The following GFOD1 variants were observed in gnomAD, a reference collection of about 807,000 sequenced individuals.
The protein encoded by GFOD1 is glucose-fructose oxidoreductase domain-containing protein 1.
In GFOD1, 9 loss-of-function variants were observed where a neutral mutation model predicts 25.4. That is an observed-to-expected ratio of 0.35 (90% confidence interval 0.21 to 0.62). GFOD1 has a LOEUF of 0.62. Ranked by LOEUF, GFOD1 falls within the 20% of genes least tolerant of loss-of-function variation. The probability of loss-of-function intolerance (pLI) is 0.72; values close to 1 mark genes in which losing one functional copy is unlikely to be tolerated. For missense variants in GFOD1, 403 were observed against 556.9 expected, an observed-to-expected ratio of 0.72 and a Z score of 2.78; for synonymous variants, 253 against 245.6, an observed-to-expected ratio of 1.03 and a Z score of -0.28.
At chr6:13,378,196 T>C (rs1254304728) in intron 1 of GFOD1, among the ~76,000 whole-genome samples, 1 of 152,162 alleles carries the variant, frequency 6.6e-6, no homozygotes, top group African/African-American at 2.4e-5. Flanking sequence ...CAGAGATATG[T>C]GCAGATCCAG....
intron 1 of GFOD1, among the ~76,000 whole-genome samples, chr6:13,383,510 C>T (rs1233211308): frequency 6.6e-6 from 1 of 152,224 alleles, no homozygotes; most frequent in Non-Finnish European, 1.5e-5. Context: ...TTAGAACAAA[C>T]ATACACTAGG....
chr6:13,397,235 A>G (rs1554201085), intron 1 of GFOD1, among the ~76,000 whole-genome samples: 3 of 152,222 alleles, frequency 2.0e-5, no homozygotes. Flanking sequence ...CATGGCGCCC[A>G]GCAAGACAGA....
chr6:13,410,209 G>T (rs963451678), intron 1 of GFOD1, among the ~76,000 whole-genome samples: 15 of 152,064 alleles, frequency 9.9e-5, no homozygotes, highest in African/African-American at 3.6e-4. Flanking sequence ...CCTGGCTCTG[G>T]CAATGCAGCT....
At chr6:13,409,197 G>GAAAGAAAGAAAGAA (rs1786019107) in intron 1 of GFOD1, among the ~76,000 whole-genome samples, 2 of 82,992 alleles carry the variant, frequency 2.4e-5, no homozygotes, top group Non-Finnish European at 3.4e-5. Context: ...AAGAAAGAAA[G>GAAAGAAAGAAAGAA]AAAGAGAAAG....
Position 13,411,282 on chromosome 6 carries a change from C to T in GFOD1, c.254-45620G>A, listed in dbSNP as rs115347910. The stretch of plus-strand genomic sequence containing the variant: ...ACCAAGTGAGGATCCACAAAGACAT[C>T]GGCTGTCTATTTTCTTTTCTTTTTT... On this transcript the variant is annotated intron_variant, in intron 1 of 1. Transcript: ENST00000379287. 7.1e-3 allele frequency among the ~76,000 whole-genome samples: 1,086 copies of T among 152,194 alleles called. 1 individual carries two copies. Among genetic ancestry groups the T allele is most frequent in the Non-Finnish European group, 0.01 (702 of 67,998 alleles).
chr6:13,469,911 A>T, intron 1 of GFOD1: 1 of 1,300,004 alleles, frequency 7.7e-7, no homozygotes, highest in Non-Finnish European at 1.0e-6. Flanking sequence ...AGTACTCCAT[A>T]GAATGCTAGT....
intron 1 of GFOD1, among the ~76,000 whole-genome samples, chr6:13,435,017 G>A (rs1228027404): frequency 1.3e-5 from 2 of 152,198 alleles, no homozygotes; most frequent in African/African-American, 2.4e-5. Flanking sequence ...CCCCTTTCTA[G>A]AGCTTTCTCT....
intron 1 of GFOD1, among the ~76,000 whole-genome samples, chr6:13,417,245 C>T (rs180923934): frequency 8.4e-4 from 128 of 152,304 alleles, no homozygotes; most frequent in African/African-American, 2.8e-3. Context: ...GCTCCGCTTC[C>T]CGGGTTCACG....
At chr6:13,415,517 G>A (rs1482824032) in intron 1 of GFOD1, among the ~76,000 whole-genome samples, 1 of 152,130 alleles carries the variant, frequency 6.6e-6, no homozygotes, top group Non-Finnish European at 1.5e-5. Context: ...CCAGACCTGG[G>A]GGTGGCTGCA....
intron 1 of GFOD1, among the ~76,000 whole-genome samples, chr6:13,394,413 C>A (rs562530588): frequency 3.7e-5 from 5 of 136,222 alleles, no homozygotes; most frequent in Non-Finnish European, 7.8e-5. Flanking sequence ...GGGTGTCTGG[C>A]GGGGGGAAGG....
intron 1 of GFOD1, among the ~76,000 whole-genome samples, chr6:13,431,238 T>C (rs1584647647): frequency 6.6e-6 from 1 of 152,362 alleles, no homozygotes; most frequent in Non-Finnish European, 1.5e-5. Context: ...ACGGTTATGG[T>C]GTCCAATCTT....
At chr6:13,401,365 G>A (rs1030704059) in intron 1 of GFOD1, among the ~76,000 whole-genome samples, 3 of 151,486 alleles carry the variant, frequency 2.0e-5, no homozygotes, top group South Asian at 2.1e-4. Context: ...TGAGAGCAGG[G>A]AATCCTTGTT....
intron 1 of GFOD1, among the ~76,000 whole-genome samples, chr6:13,448,729 C>T (rs557357294): frequency 6.6e-6 from 1 of 152,330 alleles, no homozygotes; most frequent in African/African-American, 2.4e-5. Context: ...TCTCGCACCA[C>T]TAAACCACCA....
rs577515740 is a variant in GFOD1 at position 13,458,649 on chromosome 6, A to C, written c.253+27989T>G. Among the ~76,000 whole-genome samples the C allele has an allele frequency of 2.0e-5, 3 of 146,750 alleles. No homozygotes were observed. The South Asian group carries it at 6.7e-4, about 33-fold the overall frequency. On this transcript the variant is annotated intron_variant, in intron 1 of 1. Coordinates refer to ENST00000379287, the MANE Select transcript of GFOD1 (RefSeq NM_018988.4). ...AAAATGGTACTAATACCTGCATTATAGGGTTGTTGGGACCTTAGAGGGACA... is the reference window on the plus strand; with the variant it reads ...AAAATGGTACTAATACCTGCATTATCGGGTTGTTGGGACCTTAGAGGGACA...
In GFOD1 at chr6:13,365,517, C is replaced by G; in HGVS notation, c.399G>C (p.Gln133His). The G allele has an allele frequency of 6.2e-7, 1 of 1,612,940 alleles. No individual in the cohort carries two copies. The highest frequency in any genetic ancestry group is 2.2e-5 in the East Asian group (1 of 44,870). ...CGCCCACGTAGCCCTCCTCGATCAGCTGCTTCATGCGCACGAAAGCCGGCA... is the reference window on the plus strand; with the variant it reads ...CGCCCACGTAGCCCTCCTCGATCAGGTGCTTCATGCGCACGAAAGCCGGCA... ...RFLPAFVRMK[Q>H]LIEEGYVGEP... Residue 133 changes from glutamine (Q) to histidine (H), a missense_variant, in exon 2 of 2, where the codon CAG becomes CAC. Physicochemically the swap from Gln to His is conservative, Grantham distance 24. Coordinates refer to ENST00000379287, the MANE Select transcript of GFOD1 (RefSeq NM_018988.4). This position sits in a 1 kb window ranked among gnomAD's most constrained non-coding sequence, Gnocchi z 9.2.
chr6:13,438,513 T>C (rs568472078), intron 1 of GFOD1, among the ~76,000 whole-genome samples: 2 of 152,224 alleles, frequency 1.3e-5, no homozygotes, highest in South Asian at 4.1e-4. Flanking sequence ...CAAAAATGCA[T>C]GAAAACAATT....
rs975420196 is a variant in GFOD1 at position 13,357,974 on chromosome 6, T to C, written c.*6769A>G. On this transcript the variant is annotated 3_prime_UTR_variant, in exon 2 of 2. Coordinates refer to ENST00000379287, the MANE Select transcript of GFOD1 (RefSeq NM_018988.4). ...GACCGCTGGCTCCGAGCATCGAGCATCGCAGAGATCACAACGGGCATCAGC... is the reference window on the plus strand; with the variant it reads ...GACCGCTGGCTCCGAGCATCGAGCACCGCAGAGATCACAACGGGCATCAGC... The C allele has an allele frequency of 1.3e-5, 2 of 152,288 alleles. No individual in the cohort carries two copies. Among genetic ancestry groups the C allele is most frequent in the African/African-American group, 4.8e-5 (2 of 41,464 alleles). The allele number at this position is 152,288 out of a possible 1,614,324, so 9.4% of individuals were successfully genotyped here.
At position 13,360,357 on chromosome 6, in the gene GFOD1, C is replaced by A; in HGVS notation, c.*4386G>T. Reference sequence around the variant, plus strand: ...CAGAAACCCAACTTATGATCACAGGCCAAATTCAATAGCTGTGGCTATGAG... The same window carrying A: ...CAGAAACCCAACTTATGATCACAGGACAAATTCAATAGCTGTGGCTATGAG... On this transcript the variant is annotated 3_prime_UTR_variant, in exon 2 of 2. Transcript: ENST00000379287. The A allele has an allele frequency of 3.7e-6, 1 of 272,786 alleles. No homozygotes were observed. Among genetic ancestry groups the A allele is most frequent in the Non-Finnish European group, 7.3e-6 (1 of 137,318 alleles). 16.9% of individuals were successfully genotyped at this position (272,786 alleles called of 1,614,324 possible).
intron 1 of GFOD1, among the ~76,000 whole-genome samples, chr6:13,390,284 G>T (rs1785561368): frequency 6.6e-6 from 1 of 152,102 alleles, no homozygotes; most frequent in Admixed American, 6.6e-5. Flanking sequence ...TTTTGTTGTT[G>T]TTGTTGTTGT....
Sources: allele counts gnomAD v4.1 joint callset (sites outside exome capture counted in the v4.1 genomes callset), GRCh38; gene constraint gnomAD v4.1.1; non-coding constraint Gnocchi (gnomAD v3.1); transcripts MANE v1.5; gene names NCBI Gene and HGNC (gene_info 2026-07-23, HGNC 2026-07-21).